Variants in SPNS3 observed in about 807,000 individuals in gnomAD.
The protein encoded by SPNS3 is protein spinster homolog 3.
Under a neutral mutation model 54.4 loss-of-function variants are expected in SPNS3, and 51 were observed. The ratio of observed to expected loss-of-function variants is 0.94; its 90% CI spans 0.75 to 1.18. The LOEUF is 1.18. Ranked by LOEUF, SPNS3 falls within the 50% of genes most tolerant of loss-of-function variation. The probability of loss-of-function intolerance (pLI) is 0.00; values close to 1 mark genes in which losing one functional copy is unlikely to be tolerated. For missense variants in SPNS3, 669 were observed against 677.4 expected (o/e 0.99, Z 0.14); for synonymous variants, 309 against 294.7 (o/e 1.05, Z -0.50).
intron 8 of SPNS3, among the ~76,000 whole-genome samples, chr17:4,457,892 C>T (rs569889071): frequency 5.9e-5 from 9 of 152,264 alleles, no homozygotes; most frequent in South Asian, 2.1e-4. Flanking sequence ...GGCAGAAAGG[C>T]GGGCAGGGCC....
intron 8 of SPNS3, among the ~76,000 whole-genome samples, chr17:4,476,521 G>T (rs1032323171): frequency 1.3e-5 from 2 of 152,178 alleles, no homozygotes; most frequent in African/African-American, 4.8e-5. Flanking sequence ...AGGGGGGAGA[G>T]GCCTGGAGGG....
intron 8 of SPNS3, among the ~76,000 whole-genome samples, chr17:4,466,806 T>C (rs1190420343): frequency 6.6e-6 from 1 of 152,130 alleles, no homozygotes; most frequent in South Asian, 2.1e-4. Flanking sequence ...GATCGCACCA[T>C]TGCACTCCAG....
chr17:4,465,658 C>T (rs983047850), intron 8 of SPNS3, among the ~76,000 whole-genome samples: 19 of 151,926 alleles, frequency 1.3e-4, no homozygotes, highest in Admixed American at 1.1e-3. Context: ...ACACAGGAGG[C>T]GGAGGTTATA....
chr17:4,468,732 T>TCTTTCTTTCTTTCTTTCTTTCTTC (rs1484839292), intron 8 of SPNS3, among the ~76,000 whole-genome samples: 3 of 140,112 alleles, frequency 2.1e-5, no homozygotes, highest in Non-Finnish European at 4.5e-5. Context: ...TTTCTTTCTT[T>TCTTTCTTTCTTTCTTTCTTTCTTC]CTTTCTTTCT....
Position 4,486,229 on chromosome 17 carries a change from CTG to C in SPNS3, c.1184_1185del (p.Val395GlyfsTer34). On this transcript the variant is annotated frameshift_variant and splice_region_variant, in exon 10 of 12. Coordinates refer to ENST00000355530, the MANE Select transcript of SPNS3 (RefSeq NM_182538.5). LOFTEE classifies it high-confidence loss of function. This position sits in a 1 kb window ranked among gnomAD's most constrained non-coding sequence, Gnocchi z 5.5. ...CCCTGCTGTGCCTATGTTTTGCAGT[CTG>C]TGGTGGTGCCCAGATGCCGGGGGAC... 1 of 1,551,748 alleles carries C rather than the reference CTG, an allele frequency of 6.4e-7. No individual in the cohort carries two copies. The highest frequency in any genetic ancestry group is 1.2e-5 in the South Asian group (1 of 80,566).
chr17:4,438,799 C>T (rs73975123), intron 1 of SPNS3, among the ~76,000 whole-genome samples: 6,977 of 152,332 alleles, frequency 0.046, 525 homozygotes, highest in African/African-American at 0.16. Flanking sequence ...GGGGCTGCCG[C>T]TCCTCTGACT....
chr17:4,475,843 G>A (rs1971979352), intron 8 of SPNS3, among the ~76,000 whole-genome samples: 2 of 152,116 alleles, frequency 1.3e-5, no homozygotes, highest in South Asian at 2.1e-4. Context: ...TGTGGAGCCC[G>A]GGTTTGAACT....
chr17:4,459,741 G>A (rs923431196), intron 8 of SPNS3, among the ~76,000 whole-genome samples: 8 of 152,106 alleles, frequency 5.3e-5, no homozygotes, highest in South Asian at 2.1e-4. Context: ...AACCAATGCC[G>A]TAGATATAGC....
At chr17:4,453,340 AT>A in intron 8 of SPNS3, 135 bp downstream of exon 8, 1 of 839,036 alleles carries the variant, frequency 1.2e-6, no homozygotes, top group Non-Finnish European at 1.8e-6. Context: ...TGTTATCCCC[AT>A]TTTACAGATC....
At chr17:4,454,663 C>T (rs1185799346) in intron 8 of SPNS3, among the ~76,000 whole-genome samples, 1 of 128,292 alleles carries the variant, frequency 7.8e-6, no homozygotes, top group South Asian at 2.5e-4. Context: ...GTCGCCCAGG[C>T]TGGAGTGCAG....
At chr17:4,435,198 G>T (rs1268323055) in intron 1 of SPNS3, among the ~76,000 whole-genome samples, 1 of 151,986 alleles carries the variant, frequency 6.6e-6, no homozygotes, top group Admixed American at 6.6e-5. Flanking sequence ...CAAGGTGGGC[G>T]GATCACTTGA....
At chr17:4,441,893 A>G (rs114488390) in intron 2 of SPNS3, among the ~76,000 whole-genome samples, 16,264 of 151,516 alleles carry the variant, frequency 0.11, 1,043 homozygotes, top group African/African-American at 0.18. Context: ...GAGATTACAG[A>G]CGTGAGCCAC....
At chr17:4,467,012 G>A (rs1429498307) in intron 8 of SPNS3, among the ~76,000 whole-genome samples, 1 of 152,166 alleles carries the variant, frequency 6.6e-6, no homozygotes, top group Non-Finnish European at 1.5e-5. Flanking sequence ...AGCCATGTGG[G>A]TGGGGGTGGA....
At position 4,486,703 on chromosome 17, in the gene SPNS3, A is replaced by G; in HGVS notation, c.1450+120A>G. 9.4e-7 allele frequency: 1 copy of G among 1,059,710 alleles called. No individual in the cohort carries two copies. Among genetic ancestry groups the G allele is most frequent in the Non-Finnish European group, 1.3e-6 (1 of 755,270 alleles). The allele number at this position is 1,059,710 out of a possible 1,614,324, so 65.6% of individuals were successfully genotyped here. ...TCATTCATCCAGAAATGCTTAGTACACCCCTGCTATGTACCAGGGAAGGTT... is the reference window on the plus strand; with the variant it reads ...TCATTCATCCAGAAATGCTTAGTACGCCCCTGCTATGTACCAGGGAAGGTT... On this transcript the variant is annotated intron_variant, in intron 11 of 11. Coordinates refer to ENST00000355530, the MANE Select transcript of SPNS3 (RefSeq NM_182538.5). This position sits in a 1 kb window ranked among gnomAD's most constrained non-coding sequence, Gnocchi z 5.5.
rs1292787448 is a variant in SPNS3, at chr17:4,457,469, C to G, written c.1113+4264C>G. ...TCTGTGTCCTTCATAGTGCACTGAT[C>G]CAGAAACAGCGGGGCACACCCCAGG... On this transcript the variant is annotated intron_variant, in intron 8 of 11. Transcript: ENST00000355530. 2.0e-5 allele frequency among the ~76,000 whole-genome samples: 3 copies of G among 152,230 alleles called. No individual in the cohort carries two copies. The East Asian group carries it at 5.8e-4, about 29-fold the overall frequency.
intron 3 of SPNS3, among the ~76,000 whole-genome samples, chr17:4,445,766 G>A (rs1970968399): frequency 6.6e-6 from 1 of 152,068 alleles, no homozygotes; most frequent in Admixed American, 6.6e-5. Flanking sequence ...TGCTGGGGGT[G>A]GGGCTGGGGG....
Position 4,446,119 on chromosome 17 carries a change from CA to C in SPNS3, c.475del (p.Thr159ProfsTer8). 1 of 1,613,654 alleles carries C rather than the reference CA, an allele frequency of 6.2e-7. No homozygotes were observed. Among genetic ancestry groups the C allele is most frequent in the Admixed American group, 1.7e-5 (1 of 60,004 alleles). ...CGGCCAGCTACTCCACCATCGCGCCCACCGTCCTGGGCGACCTCTTCGTGAG... is the reference window on the plus strand; with the variant it reads ...CGGCCAGCTACTCCACCATCGCGCCCCCGTCCTGGGCGACCTCTTCGTGAG... ...GSASYSTIAP[T>X]VLGDLFVRDQ... On this transcript the variant is annotated frameshift_variant, in exon 4 of 12. Transcript: ENST00000355530. LOFTEE classifies it high-confidence loss of function.
intron 8 of SPNS3, among the ~76,000 whole-genome samples, chr17:4,474,356 G>A (rs1971933700): frequency 6.6e-6 from 1 of 152,216 alleles, no homozygotes; most frequent in African/African-American, 2.4e-5. Flanking sequence ...TCTGTGTCCT[G>A]GGGCCTGTGT....
At position 4,434,006 on chromosome 17, in the gene SPNS3, G is replaced by C. The variant is rs199693387; in HGVS notation, c.39G>C (p.Gly13=). The C allele has an allele frequency of 1.9e-5, 31 of 1,594,458 alleles. No individual in the cohort carries two copies. The Admixed American group carries it at 4.3e-4, about 22-fold the overall frequency. The change falls in exon 1 of 12, where the codon GGG becomes GGC. Residue 13 remains glycine, a synonymous_variant. Coordinates refer to ENST00000355530, the MANE Select transcript of SPNS3 (RefSeq NM_182538.5). ...TGTCAGCGGAGTGCCCTGAGCCTGG[G>C]CCAGGAGGTCTGCAGGGCCAGTCCC... ...GGMSAECPEP[G]PGGLQGQSPG...
Sources: allele counts gnomAD v4.1 joint callset (sites outside exome capture counted in the v4.1 genomes callset), GRCh38; gene constraint gnomAD v4.1.1; non-coding constraint Gnocchi (gnomAD v3.1); transcripts MANE v1.5; gene names NCBI Gene and HGNC (gene_info 2026-07-23, HGNC 2026-07-21).